Variants in ALDH9A1 observed in about 807,000 individuals in gnomAD.
The protein encoded by ALDH9A1 is aldehyde dehydrogenase 9 family member A1, also known as 4-trimethylaminobutyraldehyde dehydrogenase.
In ALDH9A1, 42 loss-of-function variants were observed where a neutral mutation model predicts 56.6. The ratio of observed to expected loss-of-function variants is 0.74; its 90% confidence interval spans 0.58 to 0.96. The LOEUF (loss-of-function observed/expected upper bound fraction) is 0.96. ALDH9A1 is among the 40% of genes least tolerant of loss of function. The pLI is 0.00. For synonymous variants in ALDH9A1, 242 were observed against 236.0 expected (o/e 1.03, Z -0.23); for missense variants, 661 against 651.5 (o/e 1.01, Z -0.16).
chr1:165,683,146 T>G (rs376984654), intron 2 of ALDH9A1, 36 bp from the exon 3 acceptor site: 1 of 1,606,880 alleles, frequency 6.2e-7, no homozygotes, highest in Non-Finnish European at 8.5e-7. Flanking sequence ...TTAAGACATA[T>G]TCCAATATGT....
At chr1:165,689,095 T>C (rs906189340) in intron 2 of ALDH9A1, among the ~76,000 whole-genome samples, 1 of 152,202 alleles carries the variant, frequency 6.6e-6, no homozygotes, top group Non-Finnish European at 1.5e-5. Flanking sequence ...ATGCTGCTCA[T>C]TCACAGGAAA....
chr1:165,666,188 C>T (rs1649000509), intron 9 of ALDH9A1, among the ~76,000 whole-genome samples: 1 of 151,998 alleles, frequency 6.6e-6, no homozygotes, highest in African/African-American at 2.4e-5. Context: ...ATAAAATGTT[C>T]AGAATGGGCA....
At chr1:165,680,330 A>G (rs1355992397) in intron 5 of ALDH9A1, among the ~76,000 whole-genome samples, 157 bp downstream of exon 5, 2 of 152,178 alleles carry the variant, frequency 1.3e-5, no homozygotes, top group African/African-American at 2.4e-5. Context: ...ATACTTTTAC[A>G]GGAAATTTCA....
chr1:165,698,449 T>A lies in ALDH9A1; in HGVS notation c.110A>T (p.Asn37Ile). 1 of 1,606,398 alleles carries A rather than the reference T, an allele frequency of 6.2e-7. No homozygotes were observed. The highest frequency in any genetic ancestry group is 1.1e-5 in the South Asian group (1 of 90,220). The change falls in exon 1 of 11, where the codon AAT becomes ATT. Residue 37 changes from asparagine to isoleucine, a missense_variant. Physicochemically the swap from Asn to Ile is moderately radical, Grantham distance 149. Coordinates refer to ENST00000354775, the MANE Select transcript of ALDH9A1 (RefSeq NM_000696.4). Reference protein sequence around the residue: ...TGTFVVSQPLNYRGGARVEPA... With the variant: ...TGTFVVSQPLIYRGGARVEPA... ...CTCCACGCGGGCCCCGCCGCGGTAATTGAGCGGCTGCGACACGACGAAGGT... is the reference window on the plus strand; with the variant it reads ...CTCCACGCGGGCCCCGCCGCGGTAAATGAGCGGCTGCGACACGACGAAGGT...
At position 165,668,987 on chromosome 1, in the gene ALDH9A1, A is replaced by T. The variant is rs1288044390; in HGVS notation, c.1146T>A (p.Asp382Glu). ...ATTTGGGATCTTCAGGTACATATATATCTCCACCACATAACACTTTAGCAC... is the reference window on the plus strand; with the variant it reads ...ATTTGGGATCTTCAGGTACATATATTTCTCCACCACATAACACTTTAGCAC... ...EQGAKVLCGG[D>E]IYVPEDPKLK... is the part of the protein sequence containing the mutation. The change falls in exon 8 of 11, where the codon GAT becomes GAA. Residue 382 changes from aspartate to glutamate, a missense_variant. Physicochemically the swap from Asp to Glu is conservative, Grantham distance 45. Coordinates refer to ENST00000354775, the MANE Select transcript of ALDH9A1 (RefSeq NM_000696.4). The T allele has an allele frequency of 1.2e-6, 2 of 1,611,906 alleles. No individual in the cohort carries two copies. Among genetic ancestry groups the T allele is most frequent in the African/African-American group, 1.3e-5 (1 of 74,878 alleles).
chr1:165,663,200 A>G (rs1648900063), intron 10 of ALDH9A1, 56 bp from the exon 11 acceptor site: 1 of 1,409,058 alleles, frequency 7.1e-7, no homozygotes, highest in Non-Finnish European at 1.0e-6. Flanking sequence ...CTGAAAAGTC[A>G]CAATGATCTT....
chr1:165,691,570 G>A (rs146402797), intron 2 of ALDH9A1, among the ~76,000 whole-genome samples: 3 of 152,126 alleles, frequency 2.0e-5, no homozygotes, highest in South Asian at 2.1e-4. Context: ...TCAGAAGATC[G>A]GTAATAACAA....
At position 165,698,468 on chromosome 1, in the gene ALDH9A1, C is replaced by T. The variant is rs1650170110; in HGVS notation, c.91G>A (p.Val31Ile). 11 of 1,607,682 alleles carry T rather than the reference C, an allele frequency of 6.8e-6. No individual in the cohort carries two copies. The South Asian group carries it at 7.7e-5, about 11-fold the overall frequency. ...PVAAMSTGTF[V>I]VSQPLNYRGG... ...CGGTAATTGAGCGGCTGCGACACGA[C>T]GAAGGTGCCAGTGCTCATGGCGGCG... Residue 31 changes from valine (V) to isoleucine (I), a missense_variant, in exon 1 of 11, where the codon GTC becomes ATC. Val to Ile is a conservative substitution (Grantham distance 29). Coordinates refer to ENST00000354775, the MANE Select transcript of ALDH9A1 (RefSeq NM_000696.4).
intron 6 of ALDH9A1, chr1:165,676,391 C>T: frequency 5.3e-6 from 1 of 189,490 alleles, no homozygotes; most frequent in Non-Finnish European, 1.1e-5. Context: ...GTTCCTTGGG[C>T]CACGTGCATG....
At position 165,683,030 on chromosome 1, in the gene ALDH9A1, A is replaced by T; in HGVS notation, c.408T>A (p.Ile136=). The T allele has an allele frequency of 2.5e-6, 4 of 1,614,126 alleles. No homozygotes were observed. The East Asian group carries it at 8.9e-5, about 36-fold the overall frequency. The change falls in exon 3 of 11, where the codon ATT becomes ATA. Residue 136 remains isoleucine (I), a synonymous_variant. Transcript: ENST00000354775. ...CATAATACTCCAGGCACTGCCAGGA[A>T]ATGTCAATGTCCAAGCGGGCCTCAA... ...SIFEARLDID[I]SWQCLEYYAG... is the part of the protein sequence containing the mutation.
intron 6 of ALDH9A1, among the ~76,000 whole-genome samples, chr1:165,674,845 A>T (rs1322726388): frequency 6.6e-6 from 1 of 152,090 alleles, no homozygotes; most frequent in African/African-American, 2.4e-5. Flanking sequence ...TAAGGAAATA[A>T]CCCCATTGCC....
At chr1:165,682,640 C>T (rs1266976311) in intron 3 of ALDH9A1, among the ~76,000 whole-genome samples, 1 of 152,090 alleles carries the variant, frequency 6.6e-6, no homozygotes, top group Non-Finnish European at 1.5e-5. Context: ...AAACTTTATA[C>T]ACTGTCAAAA....
At chr1:165,697,611 CTG>C (rs1343854414) in intron 1 of ALDH9A1, among the ~76,000 whole-genome samples, 1 of 152,214 alleles carries the variant, frequency 6.6e-6, no homozygotes, top group Non-Finnish European at 1.5e-5. Flanking sequence ...TAGAAACTAT[CTG>C]TGAGCGTTCC....
Position 165,669,413 on chromosome 1 carries a change from T to C in ALDH9A1, c.968A>G (p.Glu323Gly), listed in dbSNP as rs1175603355. The C allele has an allele frequency of 1.2e-6, 2 of 1,613,822 alleles. No individual in the cohort carries two copies. Among genetic ancestry groups the C allele is most frequent in the South Asian group, 1.1e-5 (1 of 91,038 alleles). ...CNGTRVFVQK[E>G]ILDKFTEEVV... ...TTCCTCTGTAAATTTATCAAGAATT[T>C]CTTTCTGCACAAATACTCTTGTGCC... is the stretch of plus-strand genomic sequence containing the variant. The change falls in exon 7 of 11, where the codon GAA (glutamate) becomes GGA (glycine). Residue 323 changes from glutamate (E) to glycine (G), a missense_variant. Physicochemically the swap from Glu to Gly is moderately conservative, Grantham distance 98 (BLOSUM62 -2). Coordinates refer to ENST00000354775, the MANE Select transcript of ALDH9A1 (RefSeq NM_000696.4).
chr1:165,698,533 G>C lies in ALDH9A1; in HGVS notation c.26C>G (p.Ala9Gly), dbSNP rs200210709. 1,965 of 1,609,972 alleles carry C rather than the reference G, an allele frequency of 1.2e-3. 4 individuals are homozygous for C. Among genetic ancestry groups the C allele is most frequent in the Middle Eastern group, 9.7e-3 (58 of 6,010 alleles). The part of the protein sequence containing the change: MFLRAGLA[A>G]LSPLLRSLRP... ...AAGACTGCGAAGAAGCGGGGAGAGCGCGGCCAGGCCTGCTCGGAGAAACAT... is the reference window on the plus strand; with the variant it reads ...AAGACTGCGAAGAAGCGGGGAGAGCCCGGCCAGGCCTGCTCGGAGAAACAT... Residue 9 changes from alanine (A) to glycine (G), a missense_variant, in exon 1 of 11, where the codon GCG becomes GGG. Physicochemically the swap from Ala to Gly is moderately conservative, Grantham distance 60. Transcript: ENST00000354775.
intron 6 of ALDH9A1, among the ~76,000 whole-genome samples, chr1:165,678,035 A>G (rs1487363813): frequency 6.6e-6 from 1 of 151,344 alleles, no homozygotes; most frequent in East Asian, 2.0e-4. Flanking sequence ...ACTCCGTCTC[A>G]ATAAAAAAAT....
intron 6 of ALDH9A1, among the ~76,000 whole-genome samples, chr1:165,677,520 C>A (rs537143037): frequency 6.6e-6 from 1 of 151,994 alleles, no homozygotes; most frequent in Non-Finnish European, 1.5e-5. Context: ...CAAAAGGTCA[C>A]GGAAAGGGAT....
At chr1:165,682,379 C>T in intron 3 of ALDH9A1, 138 bp from the exon 4 acceptor site, 1 of 924,146 alleles carries the variant, frequency 1.1e-6, no homozygotes, top group Non-Finnish European at 1.6e-6. Context: ...ACCCTGTCTC[C>T]ATTCTTCTAT....
intron 6 of ALDH9A1, 121 bp from the exon 7 acceptor site, chr1:165,669,571 A>G: frequency 3.3e-6 from 3 of 920,702 alleles, no homozygotes; most frequent in African/African-American, 1.7e-5. Flanking sequence ...TTTTAAAAGG[A>G]TATTTCCATT....
Sources: gnomAD v4.1 joint callset for allele counts (sites outside exome capture counted in the v4.1 genomes callset) on GRCh38, gnomAD v4.1.1 for gene constraint, MANE v1.5 for transcripts, NCBI Gene and HGNC (gene_info 2026-07-23, HGNC 2026-07-21) for gene names.